NUP155: variants seen among roughly 807,000 people sequenced by gnomAD.
NUP155 encodes the protein nucleoporin 155.
NUP155 carries 71 observed loss-of-function variants against 180.4 expected under a neutral mutation model. The ratio of observed to expected loss-of-function variants is 0.39; its 90% CI spans 0.33 to 0.48. NUP155 has a LOEUF of 0.48. Among genes scored for constraint, NUP155 ranks in the 20% least tolerant of loss-of-function variants. The probability of loss-of-function intolerance (pLI) is 0.91; values close to 1 mark genes in which losing one functional copy is unlikely to be tolerated. For missense variants in NUP155, 1,553 were observed against 1,648.9 expected, an observed-to-expected ratio of 0.94 and a Z score of 1.01; for synonymous variants, 582 against 559.5, an observed-to-expected ratio of 1.04 and a Z score of -0.57.
intron 11 of NUP155, 64 bp downstream of exon 11, chr5:37,341,026 A>C (rs1745682246): frequency 3.7e-6 from 5 of 1,340,426 alleles, no homozygotes; most frequent in South Asian, 1.2e-5. Context: ...ATACTTCACA[A>C]CACCATATAA....
chr5:37,328,892 C>T lies in NUP155; in HGVS notation c.1813+298G>A, dbSNP rs144436805. Among the ~76,000 whole-genome samples, 6 of 152,328 alleles carry T rather than the reference C, an allele frequency of 3.9e-5. No individual in the cohort carries two copies. The East Asian group carries it at 1.2e-3, about 29-fold the overall frequency. ...TGATCTCCTAGTAAGTTTCTAACAA[C>T]TCCCACCTTGGAAAACACTGATGTG... On this transcript the variant is annotated intron_variant, in intron 16 of 34. Transcript: ENST00000231498.
At chr5:37,354,228 C>A (rs1006645344) in intron 4 of NUP155, among the ~76,000 whole-genome samples, 1 of 151,852 alleles carries the variant, frequency 6.6e-6, no homozygotes. Flanking sequence ...CTCACTATAA[C>A]CTCTGCCTCC....
intron 32 of NUP155, among the ~76,000 whole-genome samples, chr5:37,295,171 C>A (rs1288288207): frequency 6.6e-6 from 1 of 152,158 alleles, no homozygotes; most frequent in Non-Finnish European, 1.5e-5. Context: ...CTCAGCCTGC[C>A]GAGTGCCTGC....
intron 21 of NUP155, among the ~76,000 whole-genome samples, chr5:37,316,971 CT>C (rs1397470556): frequency 6.7e-6 from 1 of 148,416 alleles, no homozygotes; most frequent in Admixed American, 6.7e-5. Flanking sequence ...GATCATCCTG[CT>C]TAAACACGGT....
chr5:37,346,633 T>A (rs1318663569), intron 9 of NUP155, among the ~76,000 whole-genome samples: 1 of 151,300 alleles, frequency 6.6e-6, no homozygotes, highest in African/African-American at 2.4e-5. Context: ...GTCGCGCCAT[T>A]GCACTCCAGC....
At chr5:37,325,860 T>C in intron 19 of NUP155, 41 bp downstream of exon 19, 1 of 1,242,030 alleles carries the variant, frequency 8.1e-7, no homozygotes, top group African/African-American at 1.5e-5. Flanking sequence ...TACCATCAAC[T>C]GGCTACACAA....
At chr5:37,358,175 T>C (rs1561812855) in intron 3 of NUP155, 24 bp from the exon 4 acceptor site, 2 of 1,552,538 alleles carry the variant, frequency 1.3e-6, no homozygotes, top group Admixed American at 1.7e-5. Context: ...AAGAAAAACA[T>C]GTTACACATA....
At chr5:37,357,380 G>C (rs949555936) in intron 4 of NUP155, among the ~76,000 whole-genome samples, 1 of 94,522 alleles carries the variant, frequency 1.1e-5, no homozygotes, top group Non-Finnish European at 1.9e-5. Context: ...CCGGGTGATA[G>C]AGTATAAGAC....
At chr5:37,348,868 G>C (rs1746277567) in intron 8 of NUP155, among the ~76,000 whole-genome samples, 1 of 151,762 alleles carries the variant, frequency 6.6e-6, no homozygotes, top group Non-Finnish European at 1.5e-5. Context: ...TGATTCTCCT[G>C]CCTCAGCCTC....
In NUP155 at chr5:37,329,199, C is replaced by T. The variant is rs536310916; in HGVS notation, c.1804G>A (p.Val602Ile). The change falls in exon 16 of 35, where the codon GTC becomes ATC. Residue 602 changes from valine to isoleucine, a missense_variant. By Grantham distance (29) the Val-to-Ile change is conservative. Coordinates refer to ENST00000231498, the MANE Select transcript of NUP155 (RefSeq NM_153485.3). ...SNVGPILGSPVYSSSPVPSGS... is the reference protein window; with the variant it reads ...SNVGPILGSPIYSSSPVPSGS... ...AATGTTCCATACTCACTAGAATAGACAGGAGACCCCAAGATGGGACCAACA... is the reference window on the plus strand; with the variant it reads ...AATGTTCCATACTCACTAGAATAGATAGGAGACCCCAAGATGGGACCAACA... 1 of 1,612,372 alleles carries T rather than the reference C, an allele frequency of 6.2e-7. No homozygotes were observed. The highest frequency in any genetic ancestry group is 1.1e-5 in the South Asian group (1 of 91,042).
At chr5:37,321,526 G>C (rs1288254820) in intron 20 of NUP155, among the ~76,000 whole-genome samples, 2 of 152,040 alleles carry the variant, frequency 1.3e-5, no homozygotes, top group East Asian at 3.9e-4. Flanking sequence ...AGACCATCCT[G>C]GGCAACATGG....
intron 4 of NUP155, among the ~76,000 whole-genome samples, chr5:37,357,341 G>C (rs1746892352): frequency 7.7e-6 from 1 of 130,290 alleles, no homozygotes; most frequent in East Asian, 2.5e-4. Flanking sequence ...AGGCTGTAGT[G>C]AGCCATGATC....
intron 23 of NUP155, 151 bp from the exon 24 acceptor site, chr5:37,309,418 C>A: frequency 2.9e-6 from 2 of 691,736 alleles, no homozygotes. Context: ...TAATTTTAGG[C>A]AGAAAAGTTT....
At chr5:37,361,277 A>AG (rs1747200628) in intron 3 of NUP155, among the ~76,000 whole-genome samples, 2 of 150,670 alleles carry the variant, frequency 1.3e-5, no homozygotes, top group African/African-American at 4.9e-5. Context: ...AAAAAAAAAA[A>AG]AAAAAAAAGA....
Position 37,351,370 on chromosome 5 carries a change from A to T in NUP155, c.557-14T>A, listed in dbSNP as rs746448833. The T allele has an allele frequency of 6.3e-7, 1 of 1,592,520 alleles. No individual in the cohort carries two copies. The highest frequency in any genetic ancestry group is 8.6e-7 in the Non-Finnish European group (1 of 1,161,248). ...GAACTCCAGAACCTATTTAAGAAAG[A>T]ATACATAAATCAGTTTATTAGCTAC... On this transcript the variant is annotated splice_polypyrimidine_tract_variant and intron_variant, in intron 5 of 34. Transcript: ENST00000231498.
intron 20 of NUP155, 38 bp from the exon 21 acceptor site, chr5:37,318,123 G>C (rs1454896398): frequency 9.3e-7 from 1 of 1,070,152 alleles, no homozygotes; most frequent in East Asian, 2.4e-5. Flanking sequence ...GTTTATAACA[G>C]CTTTATTGAG....
rs1742745969 is a variant in NUP155 at position 37,299,369 on chromosome 5, T to C, written c.3682+79A>G. ...CATGAGCCACTAGCAGCTTGCATTA[T>C]ATTAGTTACTAGCAGCTTGCATTCC... On this transcript the variant is annotated intron_variant, in intron 31 of 34. Coordinates refer to ENST00000231498, the MANE Select transcript of NUP155 (RefSeq NM_153485.3). 2.2e-5 allele frequency: 34 copies of C among 1,537,946 alleles called. No individual in the cohort carries two copies. The South Asian group carries it at 3.6e-4, about 16-fold the overall frequency.
At chr5:37,331,312 G>A (rs940597830) in intron 14 of NUP155, among the ~76,000 whole-genome samples, 15 of 151,610 alleles carry the variant, frequency 9.9e-5, no homozygotes, top group Admixed American at 1.3e-4. Context: ...GGTGGCTCAC[G>A]GCCTGTAATC....
At position 37,292,922 on chromosome 5, in the gene NUP155, T is replaced by A; in HGVS notation, c.3994A>T (p.Ile1332Leu). 1 of 1,612,546 alleles carries A rather than the reference T, an allele frequency of 6.2e-7. No individual in the cohort carries two copies. Among genetic ancestry groups the A allele is most frequent in the South Asian group, 1.1e-5 (1 of 91,036 alleles). The change falls in exon 34 of 35, where the codon ATA (isoleucine) becomes TTA (leucine). Residue 1332 changes from isoleucine to leucine, a missense_variant. Physicochemically the swap from Ile to Leu is conservative, Grantham distance 5. Transcript: ENST00000231498. Reference protein sequence around the residue: ...HLLDCIHVLLIRYVENPSQVL... With the variant: ...HLLDCIHVLLLRYVENPSQVL... Reference sequence around the variant, plus strand: ...TGGCTGGGATTCTCAACATATCTTATCAATAATACATGTATACAATCCAAA... The same window carrying A: ...TGGCTGGGATTCTCAACATATCTTAACAATAATACATGTATACAATCCAAA...
Sources: allele counts gnomAD v4.1 joint callset (sites outside exome capture counted in the v4.1 genomes callset), GRCh38; gene constraint gnomAD v4.1.1; transcripts MANE v1.5; gene names NCBI Gene and HGNC (gene_info 2026-07-23, HGNC 2026-07-21).